The following NCALD variants were observed in gnomAD, a reference collection of about 807,000 sequenced individuals.
The protein encoded by NCALD is neurocalcin-delta.
In NCALD, 10 loss-of-function variants were observed where a neutral mutation model predicts 18.6. The observed-to-expected ratio is 0.54, with a 90% CI of 0.33 to 0.91. The LOEUF (loss-of-function observed/expected upper bound fraction) is 0.91, where lower values mean the gene tolerates loss of function less well. Ranked by LOEUF, NCALD falls within the 40% of genes least tolerant of loss-of-function variation. The probability of loss-of-function intolerance (pLI) is 0.03; values close to 1 mark genes in which losing one functional copy is unlikely to be tolerated. For synonymous variants in NCALD, 88 were observed against 87.4 expected, an observed-to-expected ratio of 1.01 and a Z score of -0.04; for missense variants, 184 against 247.6, an observed-to-expected ratio of 0.74 and a Z score of 1.72.
chr8:101,875,056 C>A (rs1586673139), intron 4 of NCALD, among the ~76,000 whole-genome samples: 1 of 152,176 alleles, frequency 6.6e-6, no homozygotes, highest in East Asian at 1.9e-4. Context: ...ATAATAATGA[C>A]TAGCCAGTAC....
At chr8:101,966,704 A>C (rs183293533) in intron 2 of NCALD, among the ~76,000 whole-genome samples, 11 of 152,320 alleles carry the variant, frequency 7.2e-5, no homozygotes, top group Non-Finnish European at 1.6e-4. Context: ...CATAGGTATG[A>C]AGAAGCTTAA....
At chr8:101,731,843 A>G (rs893165750) in intron 1 of NCALD, among the ~76,000 whole-genome samples, 2 of 152,186 alleles carry the variant, frequency 1.3e-5, no homozygotes, top group African/African-American at 4.8e-5. Flanking sequence ...TAAAGGGCCC[A>G]TGAGAAAGTG....
At chr8:101,817,667 T>C (rs931742183) in intron 4 of NCALD, among the ~76,000 whole-genome samples, 9 of 151,804 alleles carry the variant, frequency 5.9e-5, no homozygotes, top group Non-Finnish European at 1.3e-4. Context: ...TTCAGAATAA[T>C]AACCCTAAAG....
chr8:101,770,322 C>T (rs999374405), intron 1 of NCALD, among the ~76,000 whole-genome samples: 1 of 152,134 alleles, frequency 6.6e-6, no homozygotes, highest in African/African-American at 2.4e-5. Context: ...GCTGCATATG[C>T]TTGACATACT....
chr8:101,892,622 A>G (rs969204078), intron 3 of NCALD, among the ~76,000 whole-genome samples: 1 of 149,582 alleles, frequency 6.7e-6, no homozygotes, highest in African/African-American at 2.5e-5. Context: ...TGAAAAAAAT[A>G]TAGAAGAATG....
intron 1 of NCALD, among the ~76,000 whole-genome samples, chr8:101,720,926 G>A (rs940234340): frequency 3.3e-5 from 5 of 152,158 alleles, no homozygotes; most frequent in African/African-American, 1.2e-4. Context: ...TGCAGGGGAT[G>A]GTGGTAACAG....
At chr8:101,880,224 C>T (rs1173366580) in intron 4 of NCALD, among the ~76,000 whole-genome samples, 1 of 152,174 alleles carries the variant, frequency 6.6e-6, no homozygotes, top group Non-Finnish European at 1.5e-5. Context: ...GCGCACCCTC[C>T]ACAGCTGCTG....
chr8:101,878,959 C>G (rs1399543131), intron 4 of NCALD, among the ~76,000 whole-genome samples: 1 of 152,194 alleles, frequency 6.6e-6, no homozygotes, highest in African/African-American at 2.4e-5. Flanking sequence ...TAAGACAGCA[C>G]CACTTAAAAT....
At chr8:101,835,934 C>A (rs868098438) in intron 4 of NCALD, among the ~76,000 whole-genome samples, 3 of 151,994 alleles carry the variant, frequency 2.0e-5, no homozygotes, top group Admixed American at 6.6e-5. Context: ...CAAAGACAAC[C>A]CCTGGAAGTC....
intron 2 of NCALD, among the ~76,000 whole-genome samples, chr8:101,707,223 A>G (rs556714619): frequency 6.6e-6 from 1 of 152,266 alleles, no homozygotes; most frequent in East Asian, 1.9e-4. Context: ...TCTTTGGGGG[A>G]AAAAATGCAA....
chr8:101,903,997 C>T (rs888336800), intron 3 of NCALD, among the ~76,000 whole-genome samples: 9 of 152,302 alleles, frequency 5.9e-5, no homozygotes, highest in Admixed American at 3.3e-4. Context: ...CCCACTCCTG[C>T]GCTCCTGTAG....
intron 1 of NCALD, among the ~76,000 whole-genome samples, chr8:102,022,970 C>G (rs539239458): frequency 6.6e-6 from 1 of 152,220 alleles, no homozygotes; most frequent in East Asian, 1.9e-4. Flanking sequence ...CAGGTATCAC[C>G]CACCCCATCT....
chr8:101,988,103 C>G (rs1252187193), intron 2 of NCALD, among the ~76,000 whole-genome samples: 2 of 142,092 alleles, frequency 1.4e-5, no homozygotes, highest in Non-Finnish European at 3.0e-5. Context: ...TGCGGTGAGC[C>G]GAGATCGCGC....
intron 2 of NCALD, among the ~76,000 whole-genome samples, chr8:101,999,428 C>T (rs1409632698): frequency 6.6e-6 from 1 of 152,104 alleles, no homozygotes; most frequent in African/African-American, 2.4e-5. Flanking sequence ...AATGGAAAAC[C>T]AAACATCATA....
intron 3 of NCALD, among the ~76,000 whole-genome samples, chr8:101,896,345 A>G (rs1222027890): frequency 1.3e-5 from 2 of 151,908 alleles, no homozygotes; most frequent in African/African-American, 4.8e-5. Context: ...CCTTCCTTAC[A>G]CCTTATACAA....
chr8:101,945,392 C>G (rs1819129556), intron 2 of NCALD, among the ~76,000 whole-genome samples: 1 of 151,986 alleles, frequency 6.6e-6, no homozygotes, highest in South Asian at 2.1e-4. Context: ...AGAGAGTAAA[C>G]AAGTAAAGCA....
At chr8:101,963,592 C>T (rs1362949994) in intron 2 of NCALD, among the ~76,000 whole-genome samples, 2 of 152,238 alleles carry the variant, frequency 1.3e-5, no homozygotes, top group East Asian at 3.9e-4. Flanking sequence ...ATAATATATT[C>T]GAGTTTCTGG....
intron 2 of NCALD, among the ~76,000 whole-genome samples, chr8:101,988,422 C>T (rs553591325): frequency 3.9e-5 from 6 of 152,128 alleles, no homozygotes; most frequent in Non-Finnish European, 5.9e-5. Flanking sequence ...TAGTGAATAT[C>T]CCAGCTCTGT....
chr8:101,815,567 T>A (rs1813464606), intron 4 of NCALD, among the ~76,000 whole-genome samples: 2 of 152,120 alleles, frequency 1.3e-5, no homozygotes, highest in Non-Finnish European at 2.9e-5. Context: ...TCACATTAGA[T>A]GTCATCAGGG....
Sources: gnomAD v4.1 joint callset for allele counts (sites outside exome capture counted in the v4.1 genomes callset) on GRCh38, gnomAD v4.1.1 for gene constraint, MANE v1.5 for transcripts, NCBI Gene and HGNC (gene_info 2026-07-23, HGNC 2026-07-21) for gene names.